The following C1orf94 variants were observed in gnomAD, a reference collection of about 807,000 sequenced individuals.
C1orf94 encodes uncharacterized protein C1orf94.
C1orf94 carries 45 observed loss-of-function variants against 53.6 expected under a neutral mutation model. The observed-to-expected ratio is 0.84, with a 90% CI of 0.66 to 1.08. C1orf94 has a LOEUF of 1.08. Ranked by LOEUF, C1orf94 falls within the 50% of genes least tolerant of loss-of-function variation. The pLI is 0.00. For synonymous variants in C1orf94, 304 were observed against 296.1 expected (o/e 1.03, Z -0.27); for missense variants, 762 against 738.9 (o/e 1.03, Z -0.36).
intron 1 of C1orf94, among the ~76,000 whole-genome samples, chr1:34,181,892 TG>T (rs1642316003): frequency 6.6e-6 from 1 of 152,132 alleles, no homozygotes; most frequent in South Asian, 2.1e-4. Context: ...AAAGAACATT[TG>T]GGCAAAATGG....
At chr1:34,188,171 A>G (rs1453422982) in intron 1 of C1orf94, among the ~76,000 whole-genome samples, 2 of 152,172 alleles carry the variant, frequency 1.3e-5, no homozygotes, top group African/African-American at 4.8e-5. Flanking sequence ...CCAGCACTAC[A>G]GGTGACTCAT....
chr1:34,203,936 C>T (rs562051831), intron 4 of C1orf94, among the ~76,000 whole-genome samples: 1 of 152,180 alleles, frequency 6.6e-6, no homozygotes, highest in Non-Finnish European at 1.5e-5. Flanking sequence ...AAAGATTCTC[C>T]ATGCCTAAGA....
chr1:34,196,341 T>C (rs985436586), intron 1 of C1orf94, among the ~76,000 whole-genome samples: 3 of 152,090 alleles, frequency 2.0e-5, no homozygotes, highest in African/African-American at 7.2e-5. Context: ...AGGGGCAGGT[T>C]GAGGCCATTA....
At chr1:34,198,444 T>G (rs146759310) in intron 2 of C1orf94, among the ~76,000 whole-genome samples, 1 of 152,328 alleles carries the variant, frequency 6.6e-6, no homozygotes, top group African/African-American at 2.4e-5. Context: ...GGGATCTGTT[T>G]CCTGGGACTT....
chr1:34,213,955 T>C (rs759898967), intron 6 of C1orf94, among the ~76,000 whole-genome samples: 1 of 152,148 alleles, frequency 6.6e-6, no homozygotes. Context: ...GAGTATATCA[T>C]GGTGTGTTCT....
intron 6 of C1orf94, among the ~76,000 whole-genome samples, chr1:34,213,913 C>G (rs533941693): frequency 1.3e-5 from 2 of 152,080 alleles, no homozygotes. Context: ...CTCTTTTCCT[C>G]TCTCCCTCCC....
intron 1 of C1orf94, among the ~76,000 whole-genome samples, chr1:34,178,324 T>C (rs370814460): frequency 2.0e-5 from 3 of 152,258 alleles, no homozygotes; most frequent in South Asian, 2.1e-4. Context: ...TATTCCAGGC[T>C]GCCTCTTCAC....
intron 1 of C1orf94, among the ~76,000 whole-genome samples, chr1:34,168,332 A>G (rs1262129717): frequency 6.6e-6 from 1 of 152,136 alleles, no homozygotes; most frequent in Non-Finnish European, 1.5e-5. Context: ...CAAGGCAGCC[A>G]TGCAAAGTTG....
At position 34,177,670 on chromosome 1, in the gene C1orf94, C is replaced by A; in HGVS notation, c.-120C>A. Reference sequence around the variant, plus strand: ...CTCCCCTCCCCAAAAGAAAGCTGTCCTCCACCCACCCCTCCCACACAAATA... The same window carrying A: ...CTCCCCTCCCCAAAAGAAAGCTGTCATCCACCCACCCCTCCCACACAAATA... On this transcript the variant is annotated 5_prime_UTR_variant, in exon 1 of 7. Transcript: ENST00000488417. The A allele has an allele frequency of 1.1e-6, 1 of 896,068 alleles. No homozygotes were observed. Among genetic ancestry groups the A allele is most frequent in the Non-Finnish European group, 1.6e-6 (1 of 606,990 alleles). The allele number at this position is 896,068 out of a possible 1,614,324, so 55.5% of individuals were successfully genotyped here. A position where few individuals can be genotyped will look rare whatever the true frequency, so the allele number is the denominator to read the frequency against.
chr1:34,214,262 G>C (rs1642946971), intron 6 of C1orf94, among the ~76,000 whole-genome samples: 1 of 152,198 alleles, frequency 6.6e-6, no homozygotes, highest in Admixed American at 6.5e-5. Flanking sequence ...CTGGAGGCCT[G>C]GGGAATAAAG....
At chr1:34,208,805 G>A (rs1468264396) in intron 5 of C1orf94, among the ~76,000 whole-genome samples, 2 of 152,104 alleles carry the variant, frequency 1.3e-5, no homozygotes, top group African/African-American at 4.8e-5. Flanking sequence ...AACAGGGCAA[G>A]CAGAAACACG....
chr1:34,174,827 A>T (rs1267708402), upstream of C1orf94, among the ~76,000 whole-genome samples: 1 of 152,254 alleles, frequency 6.6e-6, no homozygotes, highest in Non-Finnish European at 1.5e-5. Flanking sequence ...TAACTTGCCT[A>T]AGCTTACATT....
intron 1 of C1orf94, among the ~76,000 whole-genome samples, chr1:34,190,319 C>A (rs1215437642): frequency 1.3e-5 from 2 of 152,178 alleles, no homozygotes; most frequent in Non-Finnish European, 2.9e-5. Context: ...CCAGTGGTTT[C>A]CCTGTGCCTT....
At position 34,177,679 on chromosome 1, in the gene C1orf94, C is replaced by A. The variant is rs1185360103; in HGVS notation, c.-111C>A. On this transcript the variant is annotated 5_prime_UTR_variant, in exon 1 of 7. Transcript: ENST00000488417. ...CCAAAAGAAAGCTGTCCTCCACCCACCCCTCCCACACAAATAGAAGGCCTC... is the reference window on the plus strand; with the variant it reads ...CCAAAAGAAAGCTGTCCTCCACCCAACCCTCCCACACAAATAGAAGGCCTC... 3 of 939,136 alleles carry A rather than the reference C, an allele frequency of 3.2e-6. No homozygotes were observed. Among genetic ancestry groups the A allele is most frequent in the African/African-American group, 3.3e-5 (2 of 59,908 alleles). The allele number at this position is 939,136 out of a possible 1,614,324, so 58.2% of individuals were successfully genotyped here.
chr1:34,184,971 A>G (rs781694530), intron 1 of C1orf94, among the ~76,000 whole-genome samples: 1 of 152,106 alleles, frequency 6.6e-6, no homozygotes, highest in Non-Finnish European at 1.5e-5. Flanking sequence ...TCTAATCTCA[A>G]CTAGTGTTTT....
chr1:34,189,435 G>A (rs937847853), intron 1 of C1orf94, among the ~76,000 whole-genome samples: 5 of 152,106 alleles, frequency 3.3e-5, no homozygotes, highest in African/African-American at 1.2e-4. Flanking sequence ...TGGAGGAGAA[G>A]GAAGATGGAG....
chr1:34,168,074 G>T (rs1163196157), intron 1 of C1orf94, among the ~76,000 whole-genome samples: 1 of 152,152 alleles, frequency 6.6e-6, no homozygotes, highest in Non-Finnish European at 1.5e-5. Flanking sequence ...GGTGCTAGGA[G>T]AAACAATATG....
In C1orf94 at chr1:34,199,173, T is replaced by C. The variant is rs1463013161; in HGVS notation, c.1009+1260T>C. 7.9e-5 allele frequency among the ~76,000 whole-genome samples: 12 copies of C among 152,354 alleles called. No individual in the cohort carries two copies. In the East Asian group the frequency reaches 2.1e-3, roughly 27 times the overall value. On this transcript the variant is annotated intron_variant, in intron 2 of 6. Transcript: ENST00000488417. ...TGTCTGTCATGTATGTACTTGTGTA[T>C]GTGTAACTAAGTCAAAGGAACAACA...
chr1:34,218,173 C>CCT, intron 6 of C1orf94, among the ~76,000 whole-genome samples: 1 of 152,148 alleles, frequency 6.6e-6, no homozygotes, highest in South Asian at 2.1e-4. Context: ...ATGCTTATTT[C>CCT]TGAGTCAGGG....
Sources: allele counts gnomAD v4.1 joint callset (sites outside exome capture counted in the v4.1 genomes callset), GRCh38; gene constraint gnomAD v4.1.1; transcripts MANE v1.5; gene names NCBI Gene and HGNC (gene_info 2026-07-23, HGNC 2026-07-21).